The following ZNF665 variants were observed in gnomAD, a reference collection of about 807,000 sequenced individuals.
ZNF665 encodes zinc finger protein 665.
ZNF665 carries 6 observed loss-of-function variants against 7.9 expected under a neutral mutation model. That is an observed-to-expected ratio of 0.76 (90% CI 0.42 to 1.50). The LOEUF (loss-of-function observed/expected upper bound fraction) is 1.50. ZNF665 is among the 40% of genes most tolerant of loss of function. The probability of loss-of-function intolerance (pLI) is 0.01; values close to 1 mark genes in which losing one functional copy is unlikely to be tolerated. For synonymous variants in ZNF665, 242 were observed against 274.5 expected, an observed-to-expected ratio of 0.88 and a Z score of 1.17; for missense variants, 819 against 806.7, an observed-to-expected ratio of 1.02 and a Z score of -0.18.
chr19:53,175,430 G>T lies in ZNF665; in HGVS notation c.142+15C>A, dbSNP rs1204354297. ...CGAGAACAGACCCTGACTTCTAAAA[G>T]AAAGTCATCCTCACCCAGGGAGACC... On this transcript the variant is annotated intron_variant, in intron 3 of 3. Coordinates refer to ENST00000396424, the MANE Select transcript of ZNF665 (RefSeq NM_024733.5). The T allele has an allele frequency of 1.4e-5, 22 of 1,602,626 alleles. No individual in the cohort carries two copies. In the Admixed American group the frequency reaches 3.9e-4, roughly 28 times the overall value.
Position 53,165,257 on chromosome 19 carries a change from G to A in ZNF665, c.1233C>T (p.Phe411=), listed in dbSNP as rs112988357. The A allele has an allele frequency of 8.7e-6, 14 of 1,614,030 alleles. No homozygotes were observed. In the African/African-American group the frequency reaches 9.3e-5, roughly 11 times the overall value. The change falls in exon 4 of 4, where the codon TTC becomes TTT. Residue 411 remains phenylalanine (F), a synonymous_variant. Coordinates refer to ENST00000396424, the MANE Select transcript of ZNF665 (RefSeq NM_024733.5). ...GATTTGCTAAGTGTGAATACTGAGT[G>A]AAAACCTTGACGCATTCATTACATT... is the stretch of plus-strand genomic sequence containing the variant. The part of the protein sequence containing the change: ...PFKCNECVKV[F]TQYSHLANHR...
rs746329754 is a variant in ZNF665, at chr19:53,164,541, C to G, written c.1949G>C (p.Gly650Ala). 6.2e-7 allele frequency: 1 copy of G among 1,613,992 alleles called. No homozygotes were observed. The highest frequency in any genetic ancestry group is 1.7e-5 in the Admixed American group (1 of 60,002). The change falls in exon 4 of 4, where the codon GGA becomes GCA. Residue 650 changes from glycine (G) to alanine (A), a missense_variant. Physicochemically the swap from Gly to Ala is moderately conservative, Grantham distance 60. Transcript: ENST00000396424. ...TLTTHMAVHT[G>A]DKPYKCNQCG... ...TTGGTTACATTTGTAAGGTTTGTCT[C>G]CAGTATGGACTGCCATATGGGTAGT...
chr19:53,192,881 C>G (rs1387402802), intron 1 of ZNF665, among the ~76,000 whole-genome samples: 1 of 151,928 alleles, frequency 6.6e-6, no homozygotes, highest in East Asian at 1.9e-4. Flanking sequence ...GGGGCGACGG[C>G]GCCTTAGGAG....
At chr19:53,179,775 G>C (rs575836075) in intron 2 of ZNF665, 1 of 152,184 alleles carries the variant, frequency 6.6e-6, no homozygotes, top group Non-Finnish European at 1.5e-5. Flanking sequence ...CAGAGGCCTG[G>C]ACATGCAACT....
chr19:53,184,812 A>G (rs1228302857), intron 1 of ZNF665, among the ~76,000 whole-genome samples: 3 of 144,764 alleles, frequency 2.1e-5, no homozygotes, highest in Admixed American at 2.1e-4. Context: ...TATTGGATAC[A>G]AGACAAAGGG....
rs1599868042 is a variant in ZNF665 at position 53,165,044 on chromosome 19, T to C, written c.1446A>G (p.Gly482=). The C allele has an allele frequency of 6.2e-7, 1 of 1,614,108 alleles. No individual in the cohort carries two copies. The highest frequency in any genetic ancestry group is 8.5e-7 in the Non-Finnish European group (1 of 1,180,028). Residue 482 remains glycine (G), a synonymous_variant, in exon 4 of 4, where the codon GGA becomes GGG. Transcript: ENST00000396424. ...HLASHRGIHS[G]EKPYKCDECG... ...ATTCATCACACTTGTAAGGTTTCTCTCCAGAATGAATTCCCCGATGACTTG... is the reference window on the plus strand; with the variant it reads ...ATTCATCACACTTGTAAGGTTTCTCCCCAGAATGAATTCCCCGATGACTTG...
chr19:53,188,785 C>A (rs2090790739), intron 1 of ZNF665, among the ~76,000 whole-genome samples: 1 of 152,092 alleles, frequency 6.6e-6, no homozygotes, highest in African/African-American at 2.4e-5. Context: ...GCAAGCTCTG[C>A]CTCCTGGGTT....
At chr19:53,190,653 G>T (rs1381259302) in intron 1 of ZNF665, among the ~76,000 whole-genome samples, 1 of 152,198 alleles carries the variant, frequency 6.6e-6, no homozygotes, top group African/African-American at 2.4e-5. Context: ...AATTAGGTAG[G>T]CCGGGTGCGG....
chr19:53,180,592 T>C (rs1441465909), intron 2 of ZNF665: 4 of 152,222 alleles, frequency 2.6e-5, no homozygotes, highest in Non-Finnish European at 5.9e-5. Context: ...ACATCACATA[T>C]ACCAGTTAAA....
intron 1 of ZNF665, among the ~76,000 whole-genome samples, chr19:53,184,072 A>G (rs2090758645): frequency 6.6e-6 from 1 of 152,080 alleles, no homozygotes; most frequent in Admixed American, 6.6e-5. Context: ...CAACATGGCA[A>G]AACCCCATCT....
chr19:53,175,296 C>CCAGA, intron 3 of ZNF665, 149 bp downstream of exon 3: 1 of 1,019,696 alleles, frequency 9.8e-7, no homozygotes, highest in Non-Finnish European at 1.4e-6. Context: ...AGATTAAAGT[C>CCAGA]CAGATCCTGC....
intron 1 of ZNF665, among the ~76,000 whole-genome samples, chr19:53,183,675 G>C (rs1312975183): frequency 6.6e-6 from 1 of 152,042 alleles, no homozygotes; most frequent in Non-Finnish European, 1.5e-5. Flanking sequence ...TCAGGGAGAG[G>C]GTCACGGAAG....
chr19:53,189,162 G>C (rs975855383), intron 1 of ZNF665, among the ~76,000 whole-genome samples: 1 of 151,772 alleles, frequency 6.6e-6, no homozygotes, highest in Non-Finnish European at 1.5e-5. Flanking sequence ...CAGTGGAGGA[G>C]GGAGCCACAC....
At chr19:53,190,104 A>G (rs1471757844) in intron 1 of ZNF665, 1 of 152,310 alleles carries the variant, frequency 6.6e-6, no homozygotes, top group Non-Finnish European at 1.5e-5. Context: ...ATATATAATC[A>G]TATCTAAGAT....
At chr19:53,173,282 A>T (rs2090671764) in intron 3 of ZNF665, among the ~76,000 whole-genome samples, 1 of 149,536 alleles carries the variant, frequency 6.7e-6, no homozygotes, top group Admixed American at 6.7e-5. Flanking sequence ...AGCAATACTT[A>T]TTGAAAAAAC....
chr19:53,173,072 C>T (rs895794605), intron 3 of ZNF665, among the ~76,000 whole-genome samples: 11 of 152,094 alleles, frequency 7.2e-5, no homozygotes, highest in Non-Finnish European at 1.5e-4. Flanking sequence ...TATCTGTTTG[C>T]TTTTGTTGCA....
At chr19:53,174,281 G>A (rs1274234263) in intron 3 of ZNF665, among the ~76,000 whole-genome samples, 8 of 152,128 alleles carry the variant, frequency 5.3e-5, no homozygotes, top group African/African-American at 1.4e-4. Flanking sequence ...AGTAACAGAC[G>A]GTTGTAGATC....
rs771944548 is a variant in ZNF665 at position 53,164,737 on chromosome 19, G to A, written c.1753C>T (p.Leu585=). 1.2e-6 allele frequency: 2 copies of A among 1,614,086 alleles called. No individual in the cohort carries two copies. The highest frequency in any genetic ancestry group is 1.3e-5 in the African/African-American group (1 of 74,926). ...CGKAFSVHSN[L]ATHQVIHTGE... ...GTATGGATGACCTGATGGGTAGCTA[G>A]GTTTGAATGTACACTAAATGCTTTG... is the stretch of plus-strand genomic sequence containing the variant. Residue 585 remains leucine (L), a synonymous_variant, in exon 4 of 4, where the codon CTA becomes TTA. Transcript: ENST00000396424.
chr19:53,169,942 A>G (rs2146846538), intron 3 of ZNF665, among the ~76,000 whole-genome samples: 1 of 144,910 alleles, frequency 6.9e-6, no homozygotes, highest in South Asian at 2.3e-4. Flanking sequence ...ATTGTTGGAC[A>G]TTTGGGTTGG....
Sources: allele counts gnomAD v4.1 joint callset (sites outside exome capture counted in the v4.1 genomes callset), GRCh38; gene constraint gnomAD v4.1.1; transcripts MANE v1.5; gene names NCBI Gene and HGNC (gene_info 2026-07-23, HGNC 2026-07-21).